ABCC8: variants seen among roughly 807,000 people sequenced by gnomAD.
The protein encoded by ABCC8 is ATP binding cassette subfamily C member 8, also known as ATP-binding cassette sub-family C member 8.
Under a neutral mutation model 188.0 loss-of-function variants are expected in ABCC8, and 137 were observed. That is an observed-to-expected ratio of 0.73 (90% CI 0.63 to 0.84). The LOEUF is 0.84. Ranked by LOEUF, ABCC8 falls within the 40% of genes least tolerant of loss-of-function variation. ABCC8 has a pLI of 0.00. For missense variants in ABCC8, 1,750 were observed against 2,072.7 expected (o/e 0.84, Z 3.02); for synonymous variants, 797 against 846.5 (o/e 0.94, Z 1.01).
At chr11:17,408,868 C>T (rs773042861) in intron 22 of ABCC8, among the ~76,000 whole-genome samples, 5 of 151,598 alleles carry the variant, frequency 3.3e-5, no homozygotes, top group African/African-American at 9.7e-5. Context: ...CTCTTGACGG[C>T]GGGTCTGGCA....
Position 17,454,913 on chromosome 11 carries a change from C to G in ABCC8, c.1012-1630G>C, listed in dbSNP as rs4148613. On this transcript the variant is annotated intron_variant, in intron 6 of 38. Coordinates refer to ENST00000389817, the MANE Select transcript of ABCC8 (RefSeq NM_000352.6). ...CTTGTGGGGGATGGAAACTTGCCCCCCTGGCTGGTACTGGGTCAGAAATAT... is the reference window on the plus strand; with the variant it reads ...CTTGTGGGGGATGGAAACTTGCCCCGCTGGCTGGTACTGGGTCAGAAATAT... Among the ~76,000 whole-genome samples, 865 of 152,220 alleles carry G rather than the reference C, an allele frequency of 5.7e-3. 26 individuals are homozygous for G. In the East Asian group the frequency reaches 0.079, roughly 14 times the overall value.
chr11:17,463,201 G>A (rs926132015), intron 4 of ABCC8, among the ~76,000 whole-genome samples: 1 of 152,092 alleles, frequency 6.6e-6, no homozygotes, highest in Non-Finnish European at 1.5e-5. Flanking sequence ...CAACCTCAGC[G>A]AACACACCCA....
Position 17,406,997 on chromosome 11 carries a change from G to A in ABCC8, c.3053C>T (p.Ser1018Leu), listed in dbSNP as rs775087568. The change falls in exon 25 of 39, where the codon TCA becomes TTA. Residue 1018 changes from serine to leucine, a missense_variant. Ser to Leu is a moderately radical substitution (Grantham distance 145). Coordinates refer to ENST00000389817, the MANE Select transcript of ABCC8 (RefSeq NM_000352.6). ...GILLLSLLVF[S>L]QLLKHMVLVA... ...CAGGACCATGTGCTTGAGCAGCTGT[G>A]AGAAGACCAGCAACGACAGGAGCAG... The A allele has an allele frequency of 6.2e-6, 10 of 1,614,212 alleles. No homozygotes were observed. The highest frequency in any genetic ancestry group is 5.0e-5 in the Admixed American group (3 of 60,034).
chr11:17,453,389 C>G, intron 6 of ABCC8, 106 bp from the exon 7 acceptor site: 1 of 1,489,132 alleles, frequency 6.7e-7, no homozygotes. Context: ...ATTACAAGAC[C>G]CTCTGGGCTT....
At chr11:17,461,333 A>G (rs992574087) in intron 5 of ABCC8, 3 of 553,836 alleles carry the variant, frequency 5.4e-6, no homozygotes, top group Non-Finnish European at 9.7e-6. Context: ...CAGTTTCCCC[A>G]TCTGGATAAG....
At chr11:17,415,066 A>AAGAAAAT (rs923283667) in intron 18 of ABCC8, among the ~76,000 whole-genome samples, 9 of 532 alleles carry the variant, frequency 0.017, no homozygotes, top group Admixed American at 0.083. Flanking sequence ...GTGGTTTTTG[A>AAGAAAAT]AGAAAAAAGA....
At chr11:17,409,494 C>T (rs1342931108) in intron 22 of ABCC8, among the ~76,000 whole-genome samples, 1 of 152,142 alleles carries the variant, frequency 6.6e-6, no homozygotes, top group African/African-American at 2.4e-5. Context: ...CCTTCTGTAT[C>T]TGTATATATA....
chr11:17,421,314 C>A (rs1056975737), intron 16 of ABCC8, among the ~76,000 whole-genome samples: 2 of 152,166 alleles, frequency 1.3e-5, no homozygotes, highest in East Asian at 1.9e-4. Flanking sequence ...ACGGTATTTG[C>A]TCATTCCAAA....
chr11:17,461,490 A>C, intron 5 of ABCC8, 93 bp downstream of exon 5: 1 of 1,533,580 alleles, frequency 6.5e-7, no homozygotes, highest in South Asian at 1.1e-5. Flanking sequence ...CTCTTGTCCC[A>C]CCAGGATTTT....
chr11:17,410,731 A>G (rs1182817983), intron 21 of ABCC8, 78 bp from the exon 22 acceptor site: 15 of 1,593,008 alleles, frequency 9.4e-6, no homozygotes, highest in East Asian at 2.2e-5. Flanking sequence ...TATAAAACCC[A>G]TTAGAGTTCT....
At chr11:17,418,289 C>T (rs964158077) in intron 16 of ABCC8, among the ~76,000 whole-genome samples, 4 of 152,066 alleles carry the variant, frequency 2.6e-5, no homozygotes, top group Admixed American at 1.3e-4. Flanking sequence ...GATAAATGCC[C>T]CTTGTCAGGA....
chr11:17,438,406 A>G (rs1174057149), intron 10 of ABCC8, among the ~76,000 whole-genome samples: 1 of 152,182 alleles, frequency 6.6e-6, no homozygotes, highest in East Asian at 1.9e-4. Context: ...GGCATGATCA[A>G]TCTCCCACAA....
At chr11:17,435,962 T>G in intron 10 of ABCC8, 1 of 1,579,526 alleles carries the variant, frequency 6.3e-7, no homozygotes. Context: ...GCAATACCAG[T>G]GCCACGGTGG....
chr11:17,414,307 C>G (rs1222979760), intron 19 of ABCC8, among the ~76,000 whole-genome samples: 1 of 150,974 alleles, frequency 6.6e-6, no homozygotes, highest in African/African-American at 2.5e-5. Context: ...CTGCCCTCTC[C>G]CCTATGGGAG....
chr11:17,443,128 G>A (rs746354898), intron 9 of ABCC8, 50 bp downstream of exon 9: 9 of 1,601,838 alleles, frequency 5.6e-6, no homozygotes, highest in East Asian at 2.2e-5. Context: ...TGCTGCTGTC[G>A]AGGGAAGGAG....
rs547150342 is a variant in ABCC8, at chr11:17,412,700, C to T, written c.2522G>A (p.Arg841Gln). 4 of 1,611,924 alleles carry T rather than the reference C, an allele frequency of 2.5e-6. No individual in the cohort carries two copies. The highest frequency in any genetic ancestry group is 2.2e-5 in the South Asian group (2 of 90,460). ...AACGTTGGCGTGCTGGTAGAGGGCT[C>T]GGGCCACACTGATTCGCTGGCGTTG... ...GGQRQRISVARALYQHANVVF... is the reference protein window; with the variant it reads ...GGQRQRISVAQALYQHANVVF... Residue 841 changes from arginine (R) to glutamine (Q), a missense_variant, in exon 21 of 39, where the codon CGA becomes CAA. By Grantham distance (43) the Arg-to-Gln change is conservative. Coordinates refer to ENST00000389817, the MANE Select transcript of ABCC8 (RefSeq NM_000352.6).
intron 29 of ABCC8, among the ~76,000 whole-genome samples, chr11:17,402,151 T>A (rs1294910284): frequency 6.6e-6 from 1 of 152,182 alleles, no homozygotes; most frequent in Non-Finnish European, 1.5e-5. Context: ...ACAAATAGGT[T>A]CAAGTCTGGG....
intron 1 of ABCC8, 148 bp downstream of exon 1, chr11:17,476,481 C>A: frequency 1.1e-6 from 1 of 887,530 alleles, no homozygotes; most frequent in Non-Finnish European, 1.7e-6. Flanking sequence ...CGGGGACCGG[C>A]GGGCAGGACA....
At chr11:17,441,028 C>A (rs567149622) in intron 10 of ABCC8, among the ~76,000 whole-genome samples, 3 of 152,188 alleles carry the variant, frequency 2.0e-5, no homozygotes, top group Non-Finnish European at 4.4e-5. Flanking sequence ...ACTACCAGCA[C>A]CCCCTCCATT....
Sources: allele counts gnomAD v4.1 joint callset (sites outside exome capture counted in the v4.1 genomes callset), GRCh38; gene constraint gnomAD v4.1.1; transcripts MANE v1.5; gene names NCBI Gene and HGNC (gene_info 2026-07-23, HGNC 2026-07-21).